Variants in KCNC2 observed in about 807,000 individuals in gnomAD.
KCNC2 encodes the protein voltage-gated potassium channel KCNC2.
KCNC2 carries 21 observed loss-of-function variants against 44.5 expected under a neutral mutation model. That is an observed-to-expected ratio of 0.47 (90% confidence interval 0.33 to 0.68). The LOEUF (loss-of-function observed/expected upper bound fraction) is 0.68. Ranked by LOEUF, KCNC2 falls within the 30% of genes least tolerant of loss-of-function variation. The pLI, the probability that KCNC2 is intolerant of heterozygous loss-of-function variation, is 0.01. For missense variants in KCNC2, 589 were observed against 826.2 expected (o/e 0.71, Z 3.52); for synonymous variants, 391 against 339.1 (o/e 1.15, Z -1.68).
intron 2 of KCNC2, among the ~76,000 whole-genome samples, chr12:75,117,785 CCTT>C (rs1038872589): frequency 1.3e-5 from 2 of 151,910 alleles, no homozygotes; most frequent in Non-Finnish European, 2.9e-5. Flanking sequence ...AACTATAATG[CCTT>C]CTTCATCTGT....
chr12:75,174,432 C>T (rs1449228478), intron 2 of KCNC2, among the ~76,000 whole-genome samples: 5 of 151,822 alleles, frequency 3.3e-5, no homozygotes, highest in African/African-American at 7.2e-5. Flanking sequence ...TTCTCTATGA[C>T]ACATAGATTC....
intron 2 of KCNC2, among the ~76,000 whole-genome samples, chr12:75,162,464 C>T (rs1330968911): frequency 6.6e-6 from 1 of 151,698 alleles, no homozygotes; most frequent in Admixed American, 6.6e-5. Flanking sequence ...AACATGGCAC[C>T]TGATAGATAT....
chr12:75,051,336 TA>T lies in KCNC2; in HGVS notation c.688-20del, dbSNP rs528156535. On this transcript the variant is annotated intron_variant, in intron 2 of 4. Transcript: ENST00000549446. ...CAATAAACTGTAGAGGAAAAAGAAATAAAAAAACCCATAGTGATCTGAATCG... is the reference window on the plus strand; with the variant it reads ...CAATAAACTGTAGAGGAAAAAGAAATAAAAAACCCATAGTGATCTGAATCG... 7.2e-7 allele frequency: 1 copy of T among 1,384,424 alleles called. No individual in the cohort carries two copies. The highest frequency in any genetic ancestry group is 2.2e-5 in the Admixed American group (1 of 45,260). The allele number at this position is 1,384,424 out of a possible 1,614,324, so 85.8% of individuals were successfully genotyped here.
chr12:75,081,959 G>C (rs1222510220), intron 2 of KCNC2, among the ~76,000 whole-genome samples: 1 of 151,938 alleles, frequency 6.6e-6, no homozygotes, highest in Admixed American at 6.6e-5. Context: ...AGAACTAAAA[G>C]ATGATTCCAG....
chr12:75,115,599 T>C (rs1887602471), intron 2 of KCNC2, among the ~76,000 whole-genome samples: 1 of 152,200 alleles, frequency 6.6e-6, no homozygotes, highest in African/African-American at 2.4e-5. Context: ...TCTTCTCCTC[T>C]GCATATCAAA....
At chr12:75,052,271 T>G (rs1035633302) in intron 2 of KCNC2, among the ~76,000 whole-genome samples, 2 of 152,094 alleles carry the variant, frequency 1.3e-5, no homozygotes, top group Admixed American at 1.3e-4. Flanking sequence ...TCCATGGTCA[T>G]AAACTACAAA....
intron 2 of KCNC2, among the ~76,000 whole-genome samples, chr12:75,200,479 A>C (rs1484510699): frequency 6.6e-6 from 1 of 151,772 alleles, no homozygotes; most frequent in African/African-American, 2.4e-5. Context: ...CGCACTTCTC[A>C]AACAAAACTT....
chr12:75,072,473 A>G (rs1175184170), intron 2 of KCNC2, among the ~76,000 whole-genome samples: 2 of 152,184 alleles, frequency 1.3e-5, no homozygotes, highest in African/African-American at 4.8e-5. Context: ...CAGACCTTTC[A>G]GGGAGTCCTG....
At chr12:75,069,124 A>G (rs1420427622) in intron 2 of KCNC2, among the ~76,000 whole-genome samples, 1 of 50,676 alleles carries the variant, frequency 2.0e-5, no homozygotes. Flanking sequence ...TCAATTTTAT[A>G]TAATCTTTTT....
intron 2 of KCNC2, among the ~76,000 whole-genome samples, chr12:75,175,547 C>G (rs1370319917): frequency 6.6e-6 from 1 of 151,904 alleles, no homozygotes; most frequent in Non-Finnish European, 1.5e-5. Flanking sequence ...CAATGAATTG[C>G]AAGCAGCAGT....
chr12:75,132,038 A>G (rs886840970), intron 2 of KCNC2, among the ~76,000 whole-genome samples: 1 of 152,176 alleles, frequency 6.6e-6, no homozygotes, highest in Non-Finnish European at 1.5e-5. Flanking sequence ...AAAATTTACT[A>G]ATTTTACACA....
At chr12:75,061,577 A>G (rs1344537487) in intron 2 of KCNC2, among the ~76,000 whole-genome samples, 6 of 80,490 alleles carry the variant, frequency 7.5e-5, no homozygotes, top group African/African-American at 3.2e-4. Context: ...ACACACACAC[A>G]CACACACACA....
At chr12:75,153,341 C>A (rs2137477840) in intron 2 of KCNC2, among the ~76,000 whole-genome samples, 1 of 151,998 alleles carries the variant, frequency 6.6e-6, no homozygotes, top group Non-Finnish European at 1.5e-5. Flanking sequence ...ATCTCCCATG[C>A]AGTTGAAAAT....
intron 2 of KCNC2, among the ~76,000 whole-genome samples, chr12:75,082,478 A>G (rs1342235473): frequency 6.6e-6 from 1 of 151,080 alleles, no homozygotes; most frequent in African/African-American, 2.4e-5. Context: ...TGAAAATGTA[A>G]ATTCTATTTG....
chr12:75,159,202 G>A (rs1233143103), intron 2 of KCNC2, among the ~76,000 whole-genome samples: 11 of 151,616 alleles, frequency 7.3e-5, no homozygotes, highest in South Asian at 6.3e-4. Context: ...AAACCACCAC[G>A]GCACATGTAT....
chr12:75,205,369 TG>T (rs1360867520), intron 2 of KCNC2, among the ~76,000 whole-genome samples: 5 of 133,752 alleles, frequency 3.7e-5, no homozygotes, highest in African/African-American at 1.2e-4. Flanking sequence ...TCTTTGACCT[TG>T]TTTTAATCTC....
rs542550184 is a variant in KCNC2 at position 75,049,786 on chromosome 12, G to T, written c.1615+604C>A. On this transcript the variant is annotated intron_variant, in intron 3 of 4. Transcript: ENST00000549446. ...ACCCTCATCAAAGGGGTTATAATGA[G>T]ATACCCTACTTAATTTAAGAACAAT... Among the ~76,000 whole-genome samples, 27 of 152,104 alleles carry T rather than the reference G, an allele frequency of 1.8e-4. 1 individual carries two copies. The South Asian group carries it at 5.4e-3, about 30-fold the overall frequency.
chr12:75,117,458 G>T (rs2471639), intron 2 of KCNC2, among the ~76,000 whole-genome samples: 20 of 152,102 alleles, frequency 1.3e-4, no homozygotes, highest in Middle Eastern at 6.8e-3. Context: ...CTCATGGGTA[G>T]TCTCGAAGAG....
intron 2 of KCNC2, among the ~76,000 whole-genome samples, chr12:75,086,491 A>G (rs76052219): frequency 0.034 from 5,110 of 151,958 alleles, 284 homozygotes; most frequent in African/African-American, 0.12. Context: ...CTCTTGAAAT[A>G]CTAAAATGCA....
Sources: gnomAD v4.1 joint callset for allele counts (sites outside exome capture counted in the v4.1 genomes callset) on GRCh38, gnomAD v4.1.1 for gene constraint, MANE v1.5 for transcripts, NCBI Gene and HGNC (gene_info 2026-07-23, HGNC 2026-07-21) for gene names.